Variants in GGT1 observed in about 807,000 individuals in gnomAD.
The protein encoded by GGT1 is glutathione hydrolase 1 proenzyme.
A neutral mutation model predicts 56.0 loss-of-function variants in GGT1; 21 were observed. The ratio of observed to expected loss-of-function variants is 0.38; its 90% confidence interval spans 0.27 to 0.54. The LOEUF is 0.54. Among genes scored for constraint, GGT1 ranks in the 20% least tolerant of loss-of-function variants. The pLI, the probability that GGT1 is intolerant of heterozygous loss-of-function variation, is 0.82. For synonymous variants in GGT1, 238 were observed against 342.6 expected (o/e 0.69, Z 3.37); for missense variants, 466 against 787.0 (o/e 0.59, Z 4.88).
In GGT1 at chr22:24,611,234, G is replaced by C. The variant is rs769279281; in HGVS notation, c.153G>C (p.Ser51=). Residue 51 remains serine (S), a synonymous_variant, in exon 5 of 16, where the codon TCG becomes TCC. Coordinates refer to ENST00000400382, the MANE Select transcript of GGT1 (RefSeq NM_001288833.2). ...TGGCCGCGGATGCCAAGCAGTGCTC[G>C]AAGATTGGGAGGTGAGCAGGGCAGG... ...AAVAADAKQC[S]KIGRDALRDG... is the part of the protein sequence containing the mutation. The C allele has an allele frequency of 6.4e-7, 1 of 1,556,394 alleles. No individual in the cohort carries two copies. The highest frequency in any genetic ancestry group is 1.9e-5 in the Admixed American group (1 of 52,228).
chr22:24,608,593 G>A (rs75999133), intron 2 of GGT1, among the ~76,000 whole-genome samples: 13 of 152,356 alleles, frequency 8.5e-5, no homozygotes, highest in African/African-American at 2.6e-4. Flanking sequence ...ATGCTAGGAC[G>A]GGGTCACTGA....
chr22:24,593,904 G>T (rs1036531289), upstream of GGT1, among the ~76,000 whole-genome samples: 43 of 152,216 alleles, frequency 2.8e-4, no homozygotes, highest in Non-Finnish European at 5.3e-4. Context: ...CTGCTTCTTG[G>T]TTTGGGGCAG....
intron 9 of GGT1, among the ~76,000 whole-genome samples, chr22:24,621,991 A>G (rs1301618109): frequency 1.3e-5 from 2 of 150,626 alleles, no homozygotes; most frequent in African/African-American, 4.9e-5. Context: ...CTGAGGTTGC[A>G]GTGAGCCGAG....
chr22:24,616,329 G>A (rs1458066582), intron 7 of GGT1, among the ~76,000 whole-genome samples: 1 of 150,754 alleles, frequency 6.6e-6, no homozygotes, highest in African/African-American at 2.4e-5. Context: ...CAGGAGAATC[G>A]CTTGAACCCA....
At chr22:24,588,914 G>C in the GGT1 span, 1 of 1,003,478 alleles carries the variant, frequency 1.0e-6, no homozygotes, top group Non-Finnish European at 1.2e-6. Context: ...CCCAGCTCAG[G>C]GTGGAATCCG....
At chr22:24,605,420 GTATTATA>G (rs1183425316) in intron 1 of GGT1, among the ~76,000 whole-genome samples, 2 of 75,782 alleles carry the variant, frequency 2.6e-5, no homozygotes, top group East Asian at 8.5e-4. Flanking sequence ...TATATAATAT[GTATTATA>G]TATTATATAA....
intron 1 of GGT1, among the ~76,000 whole-genome samples, chr22:24,597,711 C>CA (rs1237519944): frequency 6.7e-6 from 1 of 149,244 alleles, no homozygotes; most frequent in Non-Finnish European, 1.5e-5. Flanking sequence ...ACACACAAAA[C>CA]AACTGTGTTT....
chr22:24,597,174 C>T (rs113008691), intron 1 of GGT1, among the ~76,000 whole-genome samples: 4 of 151,282 alleles, frequency 2.6e-5, no homozygotes, highest in African/African-American at 4.9e-5. Flanking sequence ...GTAGAGACAG[C>T]GTTTCACCAT....
chr22:24,586,567 T>C, the GGT1 span, among the ~76,000 whole-genome samples: 4 of 152,262 alleles, frequency 2.6e-5, no homozygotes, highest in African/African-American at 4.8e-5. Context: ...GTTTCGCTCT[T>C]TTTGTCCAGG....
upstream of GGT1, among the ~76,000 whole-genome samples, chr22:24,602,452 A>C (rs1451804307): frequency 2.0e-5 from 3 of 152,220 alleles, no homozygotes; most frequent in Non-Finnish European, 4.4e-5. Flanking sequence ...CAATACTGGC[A>C]GGCTGCAGAC....
chr22:24,628,030 G>A lies in GGT1; in HGVS notation c.1336+51G>A, dbSNP rs763492739. On this transcript the variant is annotated intron_variant, in intron 13 of 15. Transcript: ENST00000400382. This position sits in a 1 kb window ranked among gnomAD's most constrained non-coding sequence, Gnocchi z 5.7. ...GGGACTGGGGTGGAGAGGGGCGGGT[G>A]TCCTGGGCAGGCAGCTGACGGGCAT... 145 of 1,610,934 alleles carry A rather than the reference G, an allele frequency of 9.0e-5. No homozygotes were observed. The highest frequency in any genetic ancestry group is 1.2e-4 in the Non-Finnish European group (144 of 1,179,578).
upstream of GGT1, chr22:24,592,487 G>A (rs994755214): frequency 1.5e-5 from 7 of 454,004 alleles, no homozygotes; most frequent in Middle Eastern, 3.3e-4. Flanking sequence ...GACCTCACTT[G>A]CCACTCCTCC....
the GGT1 span, among the ~76,000 whole-genome samples, chr22:24,588,018 G>A: frequency 3.3e-5 from 5 of 152,188 alleles, no homozygotes; most frequent in Non-Finnish European, 7.3e-5. Flanking sequence ...GGGTCACTCA[G>A]AGGGTGCAGC....
the GGT1 span, chr22:24,589,771 C>A: frequency 6.1e-6 from 9 of 1,472,192 alleles, no homozygotes; most frequent in East Asian, 2.2e-4. Context: ...TCTGTTGGCC[C>A]CCCTGTCCAC....
chr22:24,608,563 C>T (rs2046463292), intron 2 of GGT1, among the ~76,000 whole-genome samples: 1 of 152,260 alleles, frequency 6.6e-6, no homozygotes, highest in Non-Finnish European at 1.5e-5. Context: ...TGGGTAGCTT[C>T]CTTGGTGCAG....
chr22:24,600,726 A>G (rs1450347177), upstream of GGT1, among the ~76,000 whole-genome samples: 1 of 152,142 alleles, frequency 6.6e-6, no homozygotes, highest in Non-Finnish European at 1.5e-5. Context: ...CCATTCCTTC[A>G]GTGTGGTCTT....
intron 1 of GGT1, among the ~76,000 whole-genome samples, chr22:24,605,086 TATTATATA>T (rs1225187908): frequency 3.5e-4 from 8 of 22,756 alleles, no homozygotes; most frequent in African/African-American, 3.0e-3. Flanking sequence ...ATATAAAGTA[TATTATATA>T]ATATGTATTA....
intron 1 of GGT1, among the ~76,000 whole-genome samples, chr22:24,597,709 A>C (rs950345490): frequency 1.3e-5 from 2 of 152,072 alleles, no homozygotes; most frequent in African/African-American, 4.8e-5. Flanking sequence ...ACACACACAA[A>C]ACAACTGTGT....
chr22:24,588,441 A>G, the GGT1 span: 2 of 850,356 alleles, frequency 2.4e-6, no homozygotes, highest in Non-Finnish European at 3.7e-6. Context: ...GTCATGCACC[A>G]TGCATCACCG....
Sources: allele counts gnomAD v4.1 joint callset (sites outside exome capture counted in the v4.1 genomes callset), GRCh38; gene constraint gnomAD v4.1.1; non-coding constraint Gnocchi (gnomAD v3.1); transcripts MANE v1.5; gene names NCBI Gene and HGNC (gene_info 2026-07-23, HGNC 2026-07-21).